EP400: variants seen among roughly 807,000 people sequenced by gnomAD.
The protein encoded by EP400 is E1A-binding protein p400.
Under a neutral mutation model 354.1 loss-of-function variants are expected in EP400, and 105 were observed. That is an observed-to-expected ratio of 0.30 (90% CI 0.25 to 0.35). EP400 has a LOEUF of 0.35. EP400 is among the 10% of genes least tolerant of loss of function. The pLI is 1.00. For synonymous variants in EP400, 1,646 were observed against 1,716.9 expected (o/e 0.96, Z 1.02); for missense variants, 3,280 against 4,121.0 (o/e 0.80, Z 5.59).
At chr12:132,015,198 C>A (rs1374289856) in intron 19 of EP400, among the ~76,000 whole-genome samples, 1 of 152,246 alleles carries the variant, frequency 6.6e-6, no homozygotes, top group African/African-American at 2.4e-5. Context: ...ATTTCTCAGT[C>A]CTCCACAAAT....
At chr12:132,000,535 A>G (rs546990104) in intron 12 of EP400, among the ~76,000 whole-genome samples, 64 of 152,334 alleles carry the variant, frequency 4.2e-4, no homozygotes, top group African/African-American at 1.5e-3. Context: ...TGCTCTATCA[A>G]TTACTGAGAG....
chr12:132,069,037 G>C (rs184725076), intron 50 of EP400: 25 of 158,916 alleles, frequency 1.6e-4, no homozygotes, highest in Admixed American at 3.8e-4. Flanking sequence ...GTAAACGTCA[G>C]ATGTACACAA....
At chr12:131,980,129 A>T (rs1205240293) in intron 3 of EP400, among the ~76,000 whole-genome samples, 1 of 152,168 alleles carries the variant, frequency 6.6e-6, no homozygotes, top group African/African-American at 2.4e-5. Flanking sequence ...TGATAAACTT[A>T]ATACATTTTT....
chr12:132,069,709 C>G lies in EP400; in HGVS notation c.9021+68C>G. ...TGCCCGGCCTTTGGATTGTGTGTCTCGCGGGCTTTGCGAGCTCCCAGCCCT... is the reference window on the plus strand; with the variant it reads ...TGCCCGGCCTTTGGATTGTGTGTCTGGCGGGCTTTGCGAGCTCCCAGCCCT... On this transcript the variant is annotated intron_variant, in intron 51 of 52. Transcript: ENST00000389561. 3 of 1,587,762 alleles carry G rather than the reference C, an allele frequency of 1.9e-6. No individual in the cohort carries two copies. In the South Asian group the frequency reaches 3.4e-5, roughly 18 times the overall value.
intron 5 of EP400, among the ~76,000 whole-genome samples, chr12:131,983,906 CT>C (rs1216458418): frequency 3.4e-3 from 481 of 141,870 alleles, no homozygotes; most frequent in Non-Finnish European, 3.2e-3. Flanking sequence ...AGTGCTTTTT[CT>C]TTTTTTTTTT....
chr12:132,013,618 A>G lies in EP400; in HGVS notation c.3740A>G (p.Glu1247Gly). 1.2e-6 allele frequency: 2 copies of G among 1,613,768 alleles called. No individual in the cohort carries two copies. Among genetic ancestry groups the G allele is most frequent in the Non-Finnish European group, 1.7e-6 (2 of 1,179,850 alleles). Residue 1247 changes from glutamate to glycine, a missense_variant, in exon 18 of 53, where the codon GAA becomes GGA. Around this residue, in one of 20 missense-constraint regions of EP400, gnomAD observed 242 missense variants for 357.9 expected, o/e 0.68. Coordinates refer to ENST00000389561, the MANE Select transcript of EP400 (RefSeq NM_015409.5). This position sits in a 1 kb window ranked among gnomAD's most constrained non-coding sequence, Gnocchi z 4.5. ...AGCTCCCCTCTGAGGGCCCCCAGTGAAGAGAGCCAGGATTACTACCATAAA... is the reference window on the plus strand; with the variant it reads ...AGCTCCCCTCTGAGGGCCCCCAGTGGAGAGAGCCAGGATTACTACCATAAA... ...YLSSPLRAPS[E>G]ESQDYYHKVV...
intron 2 of EP400, among the ~76,000 whole-genome samples, chr12:131,966,924 A>C (rs1157184922): frequency 6.7e-6 from 1 of 150,202 alleles, no homozygotes; most frequent in Admixed American, 6.6e-5. Flanking sequence ...AAAAAAAAAA[A>C]ACCTATGTGT....
chr12:132,049,830 G>A (rs1195355771), intron 39 of EP400, among the ~76,000 whole-genome samples: 4 of 152,222 alleles, frequency 2.6e-5, no homozygotes, highest in Non-Finnish European at 5.9e-5. Context: ...CATTTATGAA[G>A]GAAAGACTGC....
At chr12:131,959,796 A>T (rs1183802609) in intron 1 of EP400, among the ~76,000 whole-genome samples, 4 of 152,130 alleles carry the variant, frequency 2.6e-5, no homozygotes, top group African/African-American at 9.7e-5. Context: ...ACTTGGTGTC[A>T]TGTTTTCTCC....
chr12:131,987,204 C>A (rs1197305022), intron 6 of EP400, among the ~76,000 whole-genome samples: 2 of 152,148 alleles, frequency 1.3e-5, no homozygotes, highest in Non-Finnish European at 2.9e-5. Context: ...GGTTGGATGA[C>A]TAAGCATTTA....
chr12:132,024,938 G>C lies in EP400; in HGVS notation c.4856-708G>C, dbSNP rs191036582. ...TGATTGCTGCCTGTGGCACTTGTCAGGGTGGAGGGTTTCATCATCAGTAGG... is the reference window on the plus strand; with the variant it reads ...TGATTGCTGCCTGTGGCACTTGTCACGGTGGAGGGTTTCATCATCAGTAGG... On this transcript the variant is annotated intron_variant, in intron 24 of 52. Coordinates refer to ENST00000389561, the MANE Select transcript of EP400 (RefSeq NM_015409.5). Among the ~76,000 whole-genome samples the C allele has an allele frequency of 4.8e-4, 73 of 152,214 alleles. 1 individual carries two copies. Among genetic ancestry groups the C allele is most frequent in the African/African-American group, 1.7e-3 (71 of 41,500 alleles).
chr12:132,050,303 T>C lies in EP400; in HGVS notation c.7201-20T>C. ...TCCATGCTGCCTAATTCAGATGCAC[T>C]CTCGTCAATTTCATTGCAGAGTAAA... On this transcript the variant is annotated intron_variant, in intron 39 of 52. Transcript: ENST00000389561. The surrounding 1 kb of genome is among the most constrained non-coding windows in gnomAD (Gnocchi z 4.8). The C allele has an allele frequency of 6.2e-7, 1 of 1,613,820 alleles. No individual in the cohort carries two copies. Among genetic ancestry groups the C allele is most frequent in the Non-Finnish European group, 8.5e-7 (1 of 1,179,856 alleles).
At chr12:132,048,471 A>C (rs1396486600) in intron 39 of EP400, among the ~76,000 whole-genome samples, 3 of 151,990 alleles carry the variant, frequency 2.0e-5, no homozygotes, top group African/African-American at 7.2e-5. Context: ...CTGATTTATG[A>C]AGCTAATCCA....
At chr12:131,997,372 G>T (rs913580226) in intron 12 of EP400, among the ~76,000 whole-genome samples, 1 of 151,342 alleles carries the variant, frequency 6.6e-6, no homozygotes, top group Non-Finnish European at 1.5e-5. Context: ...GGGCTCAGAC[G>T]ATCCTTCCAC....
At chr12:132,072,411 C>T (rs1030476442) in intron 51 of EP400, among the ~76,000 whole-genome samples, 4 of 152,090 alleles carry the variant, frequency 2.6e-5, no homozygotes, top group Non-Finnish European at 4.4e-5. Context: ...ATTTTGATTT[C>T]TTATTTACTG....
intron 3 of EP400, among the ~76,000 whole-genome samples, chr12:131,980,927 A>G (rs116650788): frequency 1.6e-3 from 249 of 152,320 alleles, no homozygotes; most frequent in African/African-American, 5.8e-3. Flanking sequence ...GTTAAGTAAT[A>G]ATGGTGCTCA....
chr12:132,052,565 A>G lies in EP400; in HGVS notation c.7395-581A>G, dbSNP rs1045745727. 5.8e-4 allele frequency among the ~76,000 whole-genome samples: 89 copies of G among 152,174 alleles called. 2 individuals carry two copies. On this transcript the variant is annotated intron_variant, in intron 41 of 52. Transcript: ENST00000389561. The surrounding 1 kb of genome is among the most constrained non-coding windows in gnomAD (Gnocchi z 4.4). ...TAGCAGCCAGTACGTCTTCAGACCC[A>G]CTGCACATTTTACCTGTTTGTCGTC...
At chr12:131,958,796 C>T (rs1235809978) in intron 1 of EP400, among the ~76,000 whole-genome samples, 1 of 152,200 alleles carries the variant, frequency 6.6e-6, no homozygotes, top group East Asian at 1.9e-4. Context: ...GCTGGCATTA[C>T]AGGTGTGAGC....
At chr12:131,992,985 A>T (rs1412296791) in intron 11 of EP400, among the ~76,000 whole-genome samples, 1 of 152,182 alleles carries the variant, frequency 6.6e-6, no homozygotes, top group East Asian at 1.9e-4. Context: ...GTTTGGCCAG[A>T]TTGTTGGCAT....
Sources: gnomAD v4.1 joint callset for allele counts (sites outside exome capture counted in the v4.1 genomes callset) on GRCh38, gnomAD v4.1.1 for gene constraint, gnomAD v4.1.1 regional missense constraint, Gnocchi (gnomAD v3.1) non-coding constraint, MANE v1.5 for transcripts, NCBI Gene and HGNC (gene_info 2026-07-23, HGNC 2026-07-21) for gene names.